GABRB2: variants seen among roughly 807,000 people sequenced by gnomAD.
GABRB2 encodes gamma-aminobutyric acid receptor subunit beta-2.
Under a neutral mutation model 54.7 loss-of-function variants are expected in GABRB2, and 16 were observed. The ratio of observed to expected loss-of-function variants is 0.29; its 90% CI spans 0.20 to 0.44. GABRB2 has a LOEUF of 0.44. Among genes scored for constraint, GABRB2 ranks in the 20% least tolerant of loss-of-function variants. The probability of loss-of-function intolerance (pLI) is 1.00; values close to 1 mark genes in which losing one functional copy is unlikely to be tolerated. For missense variants in GABRB2, 355 were observed against 644.0 expected (o/e 0.55, Z 4.86); for synonymous variants, 244 against 233.8 (o/e 1.04, Z -0.40).
intron 3 of GABRB2, among the ~76,000 whole-genome samples, chr5:161,507,638 C>T (rs1182994010): frequency 6.6e-6 from 1 of 151,992 alleles, no homozygotes; most frequent in East Asian, 1.9e-4. Context: ...GTATACACAA[C>T]TGCTACAACT....
intron 4 of GABRB2, among the ~76,000 whole-genome samples, chr5:161,429,774 C>T (rs746444320): frequency 5.9e-5 from 9 of 152,000 alleles, no homozygotes; most frequent in African/African-American, 1.2e-4. Flanking sequence ...CAAACTCAGA[C>T]GCATAGAGGG....
chr5:161,375,367 C>T (rs751653192), intron 5 of GABRB2, among the ~76,000 whole-genome samples: 2 of 152,134 alleles, frequency 1.3e-5, no homozygotes, highest in Non-Finnish European at 2.9e-5. Context: ...GATCTAGCAA[C>T]AGCGGGTTGG....
At chr5:161,481,025 T>C (rs1413349346) in intron 3 of GABRB2, among the ~76,000 whole-genome samples, 1 of 152,070 alleles carries the variant, frequency 6.6e-6, no homozygotes, top group African/African-American at 2.4e-5. Context: ...ATATGAACAC[T>C]ATATAAATAT....
At chr5:161,478,301 T>A (rs906795282) in intron 3 of GABRB2, among the ~76,000 whole-genome samples, 1 of 152,074 alleles carries the variant, frequency 6.6e-6, no homozygotes, top group Non-Finnish European at 1.5e-5. Flanking sequence ...AAGTTATTTT[T>A]AAACCTCACC....
At chr5:161,537,972 T>C (rs749983654) in intron 3 of GABRB2, among the ~76,000 whole-genome samples, 1 of 151,920 alleles carries the variant, frequency 6.6e-6, no homozygotes, top group Non-Finnish European at 1.5e-5. Context: ...CACACACTTC[T>C]AACCCCCTTC....
intron 5 of GABRB2, among the ~76,000 whole-genome samples, chr5:161,391,178 T>C (rs1473235826): frequency 6.6e-6 from 1 of 152,206 alleles, no homozygotes; most frequent in Non-Finnish European, 1.5e-5. Context: ...ATGCAATCTT[T>C]ATGACAGATT....
chr5:161,365,706 C>A (rs1754952373), intron 5 of GABRB2, among the ~76,000 whole-genome samples: 1 of 152,090 alleles, frequency 6.6e-6, no homozygotes. Flanking sequence ...TAGTAAGCAG[C>A]AGAGCCATGA....
chr5:161,328,543 T>C (rs1342772845), intron 8 of GABRB2, among the ~76,000 whole-genome samples: 1 of 148,700 alleles, frequency 6.7e-6, no homozygotes, highest in Non-Finnish European at 1.5e-5. Context: ...AATGGGAAGG[T>C]AAATATTGAA....
intron 5 of GABRB2, among the ~76,000 whole-genome samples, chr5:161,399,007 T>G (rs1408060426): frequency 6.6e-6 from 1 of 152,126 alleles, no homozygotes. Flanking sequence ...GTTATAAGGG[T>G]GACTGAGAAG....
At chr5:161,389,111 G>C (rs1044595404) in intron 5 of GABRB2, among the ~76,000 whole-genome samples, 1 of 151,838 alleles carries the variant, frequency 6.6e-6, no homozygotes, top group South Asian at 2.1e-4. Context: ...CTATAAAATT[G>C]GATTGTTAAA....
intron 3 of GABRB2, 110 bp downstream of exon 3, chr5:161,545,117 A>C: frequency 8.1e-5 from 47 of 581,742 alleles, no homozygotes; most frequent in East Asian, 1.9e-4. Context: ...TCTCACCCCC[A>C]CCTCATACAC....
chr5:161,291,872 T>C lies in GABRB2; in HGVS notation c.*2209A>G, dbSNP rs1757247628. 1 of 152,432 alleles carries C rather than the reference T, an allele frequency of 6.6e-6. No individual in the cohort carries two copies. Among genetic ancestry groups the C allele is most frequent in the Admixed American group, 6.5e-5 (1 of 15,272 alleles). The allele number at this position is 152,432 out of a possible 1,614,324, so 9.4% of individuals were successfully genotyped here. ...GAGTTATCAATATGTTCCTTCCTGA[T>C]GTTTTTTAGTCAAACTTTACCCCCT... On this transcript the variant is annotated 3_prime_UTR_variant, in exon 10 of 10. Coordinates refer to ENST00000393959, the MANE Select transcript of GABRB2 (RefSeq NM_001371727.1).
At chr5:161,341,680 C>A (rs1754161182) in intron 5 of GABRB2, among the ~76,000 whole-genome samples, 1 of 151,128 alleles carries the variant, frequency 6.6e-6, no homozygotes, top group Admixed American at 6.6e-5. Context: ...AATAGAAATA[C>A]CATTTTAAAA....
chr5:161,459,185 C>A, intron 4 of GABRB2: 1 of 173,814 alleles, frequency 5.8e-6, no homozygotes, highest in Non-Finnish European at 1.2e-5. Flanking sequence ...CTGATTGCTC[C>A]TTGGAAGGTA....
intron 3 of GABRB2, among the ~76,000 whole-genome samples, chr5:161,518,574 T>C (rs1760021861): frequency 6.6e-6 from 1 of 152,226 alleles, no homozygotes; most frequent in Non-Finnish European, 1.5e-5. Flanking sequence ...AAAACAAGTT[T>C]TTTATAGGTG....
intron 9 of GABRB2, among the ~76,000 whole-genome samples, chr5:161,311,530 G>A (rs1443427270): frequency 1.3e-5 from 2 of 152,156 alleles, no homozygotes; most frequent in Admixed American, 6.5e-5. Flanking sequence ...TCTTCAGGTA[G>A]GTTTCCTGTT....
intron 4 of GABRB2, among the ~76,000 whole-genome samples, chr5:161,411,294 C>G (rs1756510031): frequency 6.6e-6 from 1 of 152,152 alleles, no homozygotes; most frequent in South Asian, 2.1e-4. Flanking sequence ...TCAAAATAAT[C>G]TGAGAGGGTT....
chr5:161,547,846 A>G (rs1761036637), upstream of GABRB2: 1 of 151,598 alleles, frequency 6.6e-6, no homozygotes, highest in South Asian at 2.1e-4. Context: ...CCGCGCGCAC[A>G]CACGTGCAGG....
At chr5:161,525,143 A>T (rs1760237273) in intron 3 of GABRB2, among the ~76,000 whole-genome samples, 2 of 151,254 alleles carry the variant, frequency 1.3e-5, no homozygotes. Flanking sequence ...GCAAGCATAG[A>T]CAGTGTGTAA....
Sources: allele counts gnomAD v4.1 joint callset (sites outside exome capture counted in the v4.1 genomes callset), GRCh38; gene constraint gnomAD v4.1.1; transcripts MANE v1.5; gene names NCBI Gene and HGNC (gene_info 2026-07-23, HGNC 2026-07-21).